Variants in MAGI2 observed in about 807,000 individuals in gnomAD.
MAGI2 encodes membrane associated guanylate kinase, WW and PDZ domain containing 2, also known as membrane-associated guanylate kinase, WW and PDZ domain-containing protein 2.
A neutral mutation model predicts 133.3 loss-of-function variants in MAGI2; 35 were observed. The observed-to-expected ratio is 0.26, with a 90% CI of 0.20 to 0.35. The LOEUF is 0.35. Among genes scored for constraint, MAGI2 ranks in the 10% least tolerant of loss-of-function variants. The pLI is 1.00. For missense variants in MAGI2, 1,636 were observed against 1,863.4 expected (o/e 0.88, Z 2.25); for synonymous variants, 729 against 710.6 (o/e 1.03, Z -0.41).
At chr7:78,030,597 G>A (rs1265192070) in intron 21 of MAGI2, among the ~76,000 whole-genome samples, 6 of 152,224 alleles carry the variant, frequency 3.9e-5, no homozygotes, top group African/African-American at 7.2e-5. Flanking sequence ...GATGATATGC[G>A]GATGGACAAA....
chr7:78,980,988 G>C (rs921631562), intron 2 of MAGI2, among the ~76,000 whole-genome samples: 5 of 151,334 alleles, frequency 3.3e-5, no homozygotes, highest in African/African-American at 1.2e-4. Flanking sequence ...TCTTGTCTTT[G>C]TTGTTGTTGA....
chr7:78,335,351 G>T (rs1398672460), intron 9 of MAGI2, among the ~76,000 whole-genome samples: 1 of 152,144 alleles, frequency 6.6e-6, no homozygotes, highest in Non-Finnish European at 1.5e-5. Context: ...GAGAATGGGA[G>T]TGTCTCCAAA....
chr7:78,295,605 C>A (rs1374733188), intron 9 of MAGI2, among the ~76,000 whole-genome samples: 1 of 152,164 alleles, frequency 6.6e-6, no homozygotes, highest in East Asian at 1.9e-4. Context: ...AATGACTGTT[C>A]AGTGTGAGCA....
chr7:78,623,882 C>T (rs1355980148), intron 3 of MAGI2, among the ~76,000 whole-genome samples: 1 of 152,078 alleles, frequency 6.6e-6, no homozygotes, highest in African/African-American at 2.4e-5. Flanking sequence ...GACACTGCAG[C>T]CCTTGTAATA....
chr7:79,104,890 G>T (rs998240792), intron 1 of MAGI2, among the ~76,000 whole-genome samples: 1 of 152,110 alleles, frequency 6.6e-6, no homozygotes, highest in African/African-American at 2.4e-5. Context: ...CGCCTGTTTG[G>T]TAAGCACAGC....
At chr7:79,187,398 A>G (rs536487250) in intron 1 of MAGI2, among the ~76,000 whole-genome samples, 30 of 151,900 alleles carry the variant, frequency 2.0e-4, no homozygotes, top group Admixed American at 7.9e-4. Context: ...ACCAATCTGT[A>G]CAAGGAAAAA....
intron 21 of MAGI2, among the ~76,000 whole-genome samples, chr7:78,029,249 C>A (rs972962765): frequency 5.9e-5 from 9 of 152,088 alleles, no homozygotes; most frequent in Non-Finnish European, 1.3e-4. Flanking sequence ...GTCTATTTTC[C>A]AAGATTTTAA....
chr7:78,890,045 A>G (rs921076156), intron 2 of MAGI2, among the ~76,000 whole-genome samples: 1 of 152,238 alleles, frequency 6.6e-6, no homozygotes, highest in African/African-American at 2.4e-5. Context: ...TCTACCAAGC[A>G]AATGAAAACA....
intron 3 of MAGI2, among the ~76,000 whole-genome samples, chr7:78,620,049 T>C (rs1429652763): frequency 6.6e-6 from 1 of 151,976 alleles, no homozygotes; most frequent in Non-Finnish European, 1.5e-5. Flanking sequence ...TGAAGGTTAT[T>C]ACTTACACAG....
chr7:79,302,603 C>CG (rs1322856106), intron 1 of MAGI2, among the ~76,000 whole-genome samples: 1 of 152,110 alleles, frequency 6.6e-6, no homozygotes, highest in African/African-American at 2.4e-5. Flanking sequence ...GTTGAGCTTT[C>CG]CACAGGAGAT....
intron 1 of MAGI2, among the ~76,000 whole-genome samples, chr7:79,110,795 T>C (rs565656780): frequency 5.2e-4 from 79 of 152,272 alleles, no homozygotes; most frequent in African/African-American, 1.8e-3. Flanking sequence ...TCTCCAGTGT[T>C]GGAGGTGAGG....
chr7:78,381,021 C>T (rs1794874608), intron 6 of MAGI2, among the ~76,000 whole-genome samples: 1 of 152,022 alleles, frequency 6.6e-6, no homozygotes, highest in African/African-American at 2.4e-5. Context: ...GGTCAATTTA[C>T]CATAGTAATC....
At chr7:79,011,468 T>A (rs1386586980) in intron 1 of MAGI2, among the ~76,000 whole-genome samples, 1 of 152,116 alleles carries the variant, frequency 6.6e-6, no homozygotes, top group Non-Finnish European at 1.5e-5. Context: ...TTGCTAGTAG[T>A]CCCATCTAGT....
chr7:78,699,899 G>T (rs770976373), intron 2 of MAGI2, among the ~76,000 whole-genome samples: 2 of 151,832 alleles, frequency 1.3e-5, no homozygotes, highest in Non-Finnish European at 2.9e-5. Flanking sequence ...AGAAAATTAG[G>T]CCACATGGAA....
chr7:78,393,317 T>G (rs1363790745), intron 6 of MAGI2, among the ~76,000 whole-genome samples: 2 of 152,126 alleles, frequency 1.3e-5, no homozygotes, highest in Non-Finnish European at 2.9e-5. Flanking sequence ...GAGCTAGTGA[T>G]GCAAAGCAGC....
Position 78,102,872 on chromosome 7 carries a change from C to T in MAGI2, c.3567+22822G>A, listed in dbSNP as rs1490623126. Among the ~76,000 whole-genome samples the T allele has an allele frequency of 2.6e-5, 4 of 152,294 alleles. No homozygotes were observed. In the South Asian group the frequency reaches 6.2e-4, roughly 24 times the overall value. ...GTTGCGGGTGTGAGGTGGTACGCAG[C>T]GTTCTGCTGATTTTACTTCCGTCTT... On this transcript the variant is annotated intron_variant, in intron 20 of 21. Coordinates refer to ENST00000354212, the MANE Select transcript of MAGI2 (RefSeq NM_012301.4).
intron 1 of MAGI2, among the ~76,000 whole-genome samples, chr7:79,122,612 G>A (rs950563525): frequency 6.6e-6 from 1 of 151,778 alleles, no homozygotes; most frequent in Non-Finnish European, 1.5e-5. Context: ...ATATTTTCTA[G>A]TGAGAAACAA....
intron 1 of MAGI2, among the ~76,000 whole-genome samples, chr7:79,290,846 T>C (rs965490549): frequency 5.3e-5 from 8 of 152,094 alleles, no homozygotes; most frequent in Middle Eastern, 3.2e-3. Flanking sequence ...TTTAAAATAA[T>C]AGTTTTATTG....
chr7:78,335,283 T>G (rs1789638812), intron 9 of MAGI2, among the ~76,000 whole-genome samples: 1 of 152,190 alleles, frequency 6.6e-6, no homozygotes, highest in South Asian at 2.1e-4. Flanking sequence ...TCTGAGTACA[T>G]GGAAGATCGG....
Sources: allele counts gnomAD v4.1 joint callset (sites outside exome capture counted in the v4.1 genomes callset), GRCh38; gene constraint gnomAD v4.1.1; transcripts MANE v1.5; gene names NCBI Gene and HGNC (gene_info 2026-07-23, HGNC 2026-07-21).